COL12A1: variants seen among roughly 807,000 people sequenced by gnomAD.
The protein encoded by COL12A1 is collagen alpha-1(XII) chain.
A neutral mutation model predicts 349.7 loss-of-function variants in COL12A1; 114 were observed. The ratio of observed to expected loss-of-function variants is 0.33; its 90% CI spans 0.28 to 0.38. COL12A1 has a LOEUF of 0.38. Ranked by LOEUF, COL12A1 falls within the 10% of genes least tolerant of loss-of-function variation. The pLI is 1.00. For synonymous variants in COL12A1, 1,369 were observed against 1,329.0 expected, an observed-to-expected ratio of 1.03 and a Z score of -0.66; for missense variants, 3,284 against 3,756.9, an observed-to-expected ratio of 0.87 and a Z score of 3.29.
At chr6:75,133,716 A>C in intron 33 of COL12A1, 142 bp downstream of exon 33, 1 of 995,238 alleles carries the variant, frequency 1.0e-6, no homozygotes, top group Non-Finnish European at 1.5e-6. Context: ...GGCATCAACT[A>C]TTTACCCTCT....
intron 54 of COL12A1, among the ~76,000 whole-genome samples, chr6:75,104,714 G>A (rs1768463306): frequency 6.6e-6 from 1 of 152,126 alleles, no homozygotes; most frequent in Admixed American, 6.5e-5. Flanking sequence ...TCTCACTCAA[G>A]TTATTCCAAA....
rs60396056 is a variant in COL12A1 at position 75,102,338 on chromosome 6, T to C, written c.8415+259A>G. 1.1e-3 allele frequency among the ~76,000 whole-genome samples: 172 copies of C among 152,306 alleles called. 1 individual carries two copies. Among genetic ancestry groups the C allele is most frequent in the African/African-American group, 3.9e-3 (162 of 41,576 alleles). On this transcript the variant is annotated intron_variant, in intron 56 of 65. Coordinates refer to ENST00000322507, the MANE Select transcript of COL12A1 (RefSeq NM_004370.6). The stretch of plus-strand genomic sequence containing the variant: ...TACCTTAAAAGAATATAGTTTAACA[T>C]AGGGGATATCTACTTTACTTATAAG...
At chr6:75,166,692 C>A (rs1204817548) in intron 13 of COL12A1, among the ~76,000 whole-genome samples, 3 of 152,068 alleles carry the variant, frequency 2.0e-5, no homozygotes, top group Non-Finnish European at 4.4e-5. Flanking sequence ...TACATTTTAC[C>A]AGTAATTGTT....
rs567828587 is a variant in COL12A1, at chr6:75,156,713, G to T, written c.2984-190C>A. ...AATCTCATCAAGATCTCAGTAAGAT[G>T]TTTTCGTTTTATCTAGCTAATACTA... is the stretch of plus-strand genomic sequence containing the variant. On this transcript the variant is annotated intron_variant, in intron 14 of 65. Transcript: ENST00000322507. Among the ~76,000 whole-genome samples, 570 of 152,224 alleles carry T rather than the reference G, an allele frequency of 3.7e-3. 6 individuals are homozygous for T. Among genetic ancestry groups the T allele is most frequent in the African/African-American group, 0.013 (552 of 41,534 alleles).
intron 1 of COL12A1, among the ~76,000 whole-genome samples, chr6:75,204,870 G>T (rs1770702642): frequency 6.6e-6 from 1 of 152,106 alleles, no homozygotes; most frequent in Admixed American, 6.5e-5. Context: ...AGAGCTTAGC[G>T]TTTATTTCCT....
At chr6:75,100,867 A>C (rs1258712939) in intron 58 of COL12A1, among the ~76,000 whole-genome samples, 2 of 152,244 alleles carry the variant, frequency 1.3e-5, no homozygotes, top group Non-Finnish European at 2.9e-5. Context: ...TATTGGAACC[A>C]TAAGATGCTG....
At chr6:75,184,643 T>C (rs555748572) in intron 8 of COL12A1, among the ~76,000 whole-genome samples, 18 of 152,344 alleles carry the variant, frequency 1.2e-4, no homozygotes, top group East Asian at 7.7e-4. Context: ...CAGGTTCTTA[T>C]AATTTTAAAC....
At chr6:75,141,851 T>C (rs777250589) in intron 27 of COL12A1, among the ~76,000 whole-genome samples, 181 bp downstream of exon 27, 1 of 152,004 alleles carries the variant, frequency 6.6e-6, no homozygotes, top group African/African-American at 2.4e-5. Flanking sequence ...AAGGAATGGA[T>C]GCAAAGATAG....
Position 75,084,583 on chromosome 6 carries a change from T to C in COL12A1, c.*1964A>G, listed in dbSNP as rs1258625982. On this transcript the variant is annotated 3_prime_UTR_variant, in exon 66 of 66. Coordinates refer to ENST00000322507, the MANE Select transcript of COL12A1 (RefSeq NM_004370.6). ...AATTTGGTATAAATGTTAGTGTGTC[T>C]AAAACAAGGAGGTTTAAGGCAATAT... 6.5e-6 allele frequency: 1 copy of C among 152,740 alleles called. No individual in the cohort carries two copies. The highest frequency in any genetic ancestry group is 1.5e-5 in the Non-Finnish European group (1 of 68,076). 9.5% of individuals were successfully genotyped at this position (152,740 alleles called of 1,614,324 possible).
At chr6:75,097,842 C>G (rs1047208540) in intron 58 of COL12A1, among the ~76,000 whole-genome samples, 1 of 152,150 alleles carries the variant, frequency 6.6e-6, no homozygotes, top group Admixed American at 6.5e-5. Flanking sequence ...TCATTTTTCC[C>G]TTTGGTGCGT....
chr6:75,176,474 G>A (rs549765323), intron 12 of COL12A1, among the ~76,000 whole-genome samples: 36 of 151,582 alleles, frequency 2.4e-4, no homozygotes, highest in Non-Finnish European at 4.1e-4. Flanking sequence ...ATGACGCAGT[G>A]GGGGAGGAGG....
At chr6:75,171,397 C>A (rs1404465153) in intron 13 of COL12A1, among the ~76,000 whole-genome samples, 1 of 152,188 alleles carries the variant, frequency 6.6e-6, no homozygotes, top group African/African-American at 2.4e-5. Context: ...ATTTTCTGAT[C>A]ATTGGCTGCA....
Position 75,192,922 on chromosome 6 carries a change from C to T in COL12A1, c.191-567G>A, listed in dbSNP as rs914489253. Among the ~76,000 whole-genome samples the T allele has an allele frequency of 3.9e-5, 6 of 152,188 alleles. No homozygotes were observed. In the South Asian group the frequency reaches 1.2e-3, roughly 32 times the overall value. ...TGACTTAAGCAGGTATCAAATATTT[C>T]AAGGTCCAGTATACTAGGTGTTTAC... On this transcript the variant is annotated intron_variant, in intron 3 of 65. Transcript: ENST00000322507.
At chr6:75,182,954 C>T (rs1317662892) in intron 10 of COL12A1, 96 bp downstream of exon 10, 3 of 1,425,144 alleles carry the variant, frequency 2.1e-6, no homozygotes, top group African/African-American at 2.9e-5. Context: ...TTTTTCGTGT[C>T]TATAAGAAGA....
chr6:75,105,484 A>G (rs1768505081), intron 53 of COL12A1, among the ~76,000 whole-genome samples, 192 bp from the exon 54 acceptor site: 1 of 152,170 alleles, frequency 6.6e-6, no homozygotes, highest in South Asian at 2.1e-4. Context: ...TTACGTTAGG[A>G]AACCTCACTG....
At chr6:75,093,684 A>T (rs776485430) in intron 60 of COL12A1, among the ~76,000 whole-genome samples, 1 of 152,220 alleles carries the variant, frequency 6.6e-6, no homozygotes, top group Non-Finnish European at 1.5e-5. Context: ...GGAGCATTTT[A>T]CAAATGCAGG....
At chr6:75,121,574 AG>A in intron 43 of COL12A1, 133 bp from the exon 44 acceptor site, 2 of 1,065,080 alleles carry the variant, frequency 1.9e-6, no homozygotes, top group Non-Finnish European at 2.5e-6. Context: ...ACTGCCTGGG[AG>A]CTTGTTAGAA....
At chr6:75,097,980 T>C (rs1044240493) in intron 58 of COL12A1, among the ~76,000 whole-genome samples, 2 of 152,198 alleles carry the variant, frequency 1.3e-5, no homozygotes, top group African/African-American at 4.8e-5. Context: ...AGAATATTTA[T>C]AATATGTACT....
At chr6:75,128,071 C>T (rs1766106453) in intron 38 of COL12A1, among the ~76,000 whole-genome samples, 1 of 152,092 alleles carries the variant, frequency 6.6e-6, no homozygotes, top group Non-Finnish European at 1.5e-5. Context: ...TGTACATGGT[C>T]TTCTTTTTCT....
Sources: gnomAD v4.1 joint callset for allele counts (sites outside exome capture counted in the v4.1 genomes callset) on GRCh38, gnomAD v4.1.1 for gene constraint, MANE v1.5 for transcripts, NCBI Gene and HGNC (gene_info 2026-07-23, HGNC 2026-07-21) for gene names.